Variants in TRAPPC11 observed in about 807,000 individuals in gnomAD.
The protein encoded by TRAPPC11 is foie gras homolog.
A neutral mutation model predicts 151.2 loss-of-function variants in TRAPPC11; 104 were observed. That is an observed-to-expected ratio of 0.69 (90% CI 0.59 to 0.81). The LOEUF is 0.81. TRAPPC11 is among the 30% of genes least tolerant of loss of function. TRAPPC11 has a pLI of 0.00. For synonymous variants in TRAPPC11, 456 were observed against 472.3 expected (o/e 0.97, Z 0.45); for missense variants, 1,230 against 1,349.6 (o/e 0.91, Z 1.39).
intron 5 of TRAPPC11, among the ~76,000 whole-genome samples, chr4:183,673,431 T>C (rs1217008096): frequency 6.6e-6 from 1 of 152,172 alleles, no homozygotes. Flanking sequence ...CCCAATACTT[T>C]GGGAGATCGA....
intron 23 of TRAPPC11, among the ~76,000 whole-genome samples, chr4:183,696,029 C>T (rs769099293): frequency 9.2e-5 from 14 of 152,124 alleles, no homozygotes; most frequent in Non-Finnish European, 1.5e-4. Flanking sequence ...AAATCCAAAA[C>T]GTTCCAAAAT....
At chr4:183,667,031 T>A in intron 3 of TRAPPC11, 29 bp from the exon 4 acceptor site, 1 of 1,562,828 alleles carries the variant, frequency 6.4e-7, no homozygotes, top group Non-Finnish European at 8.8e-7. Context: ...GTTAAAATAA[T>A]TAATTTTATT....
intron 11 of TRAPPC11, among the ~76,000 whole-genome samples, chr4:183,683,060 C>T (rs1278388551): frequency 6.6e-6 from 1 of 151,792 alleles, no homozygotes; most frequent in Non-Finnish European, 1.5e-5. Context: ...TGGCACATGC[C>T]TGTAGTCCCA....
chr4:183,702,093 C>T (rs1736829139), intron 26 of TRAPPC11, among the ~76,000 whole-genome samples: 1 of 152,170 alleles, frequency 6.6e-6, no homozygotes, highest in Non-Finnish European at 1.5e-5. Flanking sequence ...CCTGTAATCC[C>T]AGCACTTTCG....
intron 18 of TRAPPC11, among the ~76,000 whole-genome samples, chr4:183,690,158 GCATTTCTA>G (rs1561049913): frequency 6.6e-6 from 1 of 151,856 alleles, no homozygotes; most frequent in Non-Finnish European, 1.5e-5. Context: ...AGCTGAAATT[GCATTTCTA>G]GTGGGCGATG....
chr4:183,695,874 T>C (rs1423760494), intron 23 of TRAPPC11, among the ~76,000 whole-genome samples: 1 of 152,192 alleles, frequency 6.6e-6, no homozygotes, highest in Non-Finnish European at 1.5e-5. Context: ...CATAGAGTCC[T>C]ATATGGTAGC....
rs1321230724 is a variant in TRAPPC11 at position 183,680,239 on chromosome 4, A to T, written c.1085A>T (p.Gln362Leu). The T allele has an allele frequency of 3.7e-6, 6 of 1,613,888 alleles. No homozygotes were observed. Among genetic ancestry groups the T allele is most frequent in the Non-Finnish European group, 5.1e-6 (6 of 1,179,972 alleles). ...GCATACTATGCCCAGGAGCGGAAAC[A>T]GCTTGCAAAAACCCTCTGTAACCAC... ...QAAYYAQERK[Q>L]LAKTLCNHEA... Residue 362 changes from glutamine to leucine, a missense_variant, in exon 10 of 30, where the codon CAG becomes CTG. By Grantham distance (113) the Gln-to-Leu change is moderately radical (BLOSUM62 -2). Transcript: ENST00000334690.
At chr4:183,684,081 T>C in intron 12 of TRAPPC11, 27 bp downstream of exon 12, 5 of 1,608,798 alleles carry the variant, frequency 3.1e-6, no homozygotes, top group Non-Finnish European at 3.4e-6. Context: ...ATATAAACTA[T>C]TTTTTACACT....
intron 2 of TRAPPC11, among the ~76,000 whole-genome samples, chr4:183,665,897 A>G (rs1296938829): frequency 6.6e-6 from 1 of 152,098 alleles, no homozygotes; most frequent in Non-Finnish European, 1.5e-5. Context: ...AATGGTGAAG[A>G]ATATAAGTAG....
chr4:183,707,317 C>T (rs1737125622), intron 28 of TRAPPC11, among the ~76,000 whole-genome samples: 1 of 151,446 alleles, frequency 6.6e-6, no homozygotes, highest in African/African-American at 2.4e-5. Context: ...ATATTAACAG[C>T]CCATTTTTCT....
At position 183,679,452 on chromosome 4, in the gene TRAPPC11, CT is replaced by C; in HGVS notation, c.932del (p.Leu311ArgfsTer26). The C allele has an allele frequency of 6.2e-7, 1 of 1,612,102 alleles. No homozygotes were observed. The highest frequency in any genetic ancestry group is 8.5e-7 in the Non-Finnish European group (1 of 1,179,168). On this transcript the variant is annotated frameshift_variant, in exon 9 of 30. Coordinates refer to ENST00000334690, the MANE Select transcript of TRAPPC11 (RefSeq NM_021942.6). LOFTEE classifies it high-confidence loss of function. Reference sequence around the variant, plus strand: ...TAAGAAAAAGATTGGAAGTGCAGAGCTGTCTTTTGAGCATGATGCATGGATG... The same window carrying C: ...TAAGAAAAAGATTGGAAGTGCAGAGCGTCTTTTGAGCATGATGCATGGATG... ...LCKKKIGSAE[L>X]SFEHDAWMSK...
At chr4:183,668,192 A>AT (rs1413055562) in intron 5 of TRAPPC11, 75 bp downstream of exon 5, 7 of 790,462 alleles carry the variant, frequency 8.9e-6, no homozygotes, top group Non-Finnish European at 1.4e-5. Flanking sequence ...AGACCCATTT[A>AT]TTTTTTTAAA....
intron 23 of TRAPPC11, among the ~76,000 whole-genome samples, chr4:183,695,295 C>T (rs899799789): frequency 6.6e-6 from 1 of 152,032 alleles, no homozygotes; most frequent in Admixed American, 6.6e-5. Context: ...AGATCTCAAG[C>T]AAATCACACA....
At chr4:183,686,595 C>T in intron 17 of TRAPPC11, 23 bp from the exon 18 acceptor site, 1 of 1,612,284 alleles carries the variant, frequency 6.2e-7, no homozygotes, top group Middle Eastern at 1.7e-4. Context: ...GTGCATAACA[C>T]AGCCCTTTTG....
intron 18 of TRAPPC11, 46 bp downstream of exon 18, chr4:183,686,794 A>T: frequency 6.3e-7 from 1 of 1,598,836 alleles, no homozygotes; most frequent in East Asian, 2.2e-5. Context: ...ATCTTATTGT[A>T]GCTTATGTTA....
At chr4:183,685,051 CT>C in intron 15 of TRAPPC11, 32 bp from the exon 16 acceptor site, 1 of 1,598,540 alleles carries the variant, frequency 6.3e-7, no homozygotes, top group Non-Finnish European at 8.5e-7. Context: ...ATTATAAGTA[CT>C]TAAAATGTTT....
At chr4:183,704,241 C>G (rs1207370805) in intron 26 of TRAPPC11, among the ~76,000 whole-genome samples, 2 of 152,202 alleles carry the variant, frequency 1.3e-5, no homozygotes, top group African/African-American at 4.8e-5. Context: ...TTTTGGGAGG[C>G]CTGGTGCGGT....
At chr4:183,704,289 G>A (rs1479441356) in intron 26 of TRAPPC11, among the ~76,000 whole-genome samples, 1 of 152,188 alleles carries the variant, frequency 6.6e-6, no homozygotes, top group Admixed American at 6.5e-5. Flanking sequence ...GGGAAGCTGA[G>A]GCAGGTGGAT....
At chr4:183,675,121 T>G in intron 6 of TRAPPC11, 43 bp from the exon 7 acceptor site, 1 of 1,053,010 alleles carries the variant, frequency 9.5e-7, no homozygotes, top group Non-Finnish European at 1.3e-6. Flanking sequence ...TTTCACATTT[T>G]AAATAGAATA....
Sources: allele counts gnomAD v4.1 joint callset (sites outside exome capture counted in the v4.1 genomes callset), GRCh38; gene constraint gnomAD v4.1.1; transcripts MANE v1.5; gene names NCBI Gene and HGNC (gene_info 2026-07-23, HGNC 2026-07-21).